RABGAP1L: variants seen among roughly 807,000 people sequenced by gnomAD.
RABGAP1L encodes the protein rab GTPase-activating protein 1-like.
RABGAP1L carries 63 observed loss-of-function variants against 137.7 expected under a neutral mutation model. That is an observed-to-expected ratio of 0.46 (90% CI 0.37 to 0.56). The LOEUF is 0.56. Among genes scored for constraint, RABGAP1L ranks in the 20% least tolerant of loss-of-function variants. RABGAP1L has a pLI of 0.00. For synonymous variants in RABGAP1L, 431 were observed against 433.7 expected (o/e 0.99, Z 0.08); for missense variants, 1,095 against 1,244.0 (o/e 0.88, Z 1.80).
Position 174,676,556 on chromosome 1 carries a change from T to C in RABGAP1L, c.1825-6966T>C, listed in dbSNP as rs1421517315. On this transcript the variant is annotated intron_variant, in intron 14 of 25. Transcript: ENST00000681986. ...AACGTTTGGAGTTTCAACTTCTAAG[T>C]GAAAAGATTCCTGATTTTAAAATAT... Among the ~76,000 whole-genome samples the C allele has an allele frequency of 2.0e-5, 3 of 152,346 alleles. No homozygotes were observed. The East Asian group carries it at 5.8e-4, about 29-fold the overall frequency.
intron 24 of RABGAP1L, among the ~76,000 whole-genome samples, chr1:174,984,124 G>A (rs767956989): frequency 6.7e-6 from 1 of 149,326 alleles, no homozygotes; most frequent in Non-Finnish European, 1.5e-5. Flanking sequence ...AGGTATACGT[G>A]TGCCATGGTG....
intron 13 of RABGAP1L, among the ~76,000 whole-genome samples, chr1:174,623,130 G>A (rs1473439377): frequency 2.0e-5 from 3 of 152,090 alleles, no homozygotes; most frequent in African/African-American, 2.4e-5. Flanking sequence ...CTACATTAAA[G>A]GTTATTTTTA....
At chr1:174,170,448 C>T (rs184223461) in intron 1 of RABGAP1L, among the ~76,000 whole-genome samples, 2 of 152,010 alleles carry the variant, frequency 1.3e-5, no homozygotes, top group South Asian at 2.1e-4. Flanking sequence ...AAGTCCGAGG[C>T]GGGCAGATCA....
At chr1:174,843,284 A>T (rs1356076808) in intron 19 of RABGAP1L, among the ~76,000 whole-genome samples, 1 of 141,916 alleles carries the variant, frequency 7.0e-6, no homozygotes, top group Non-Finnish European at 1.5e-5. Flanking sequence ...TGTGCAGGTT[A>T]GTTACATATG....
At chr1:174,256,902 T>C (rs1183223374) in intron 7 of RABGAP1L, among the ~76,000 whole-genome samples, 1 of 152,236 alleles carries the variant, frequency 6.6e-6, no homozygotes, top group Non-Finnish European at 1.5e-5. Context: ...CTATGATGAT[T>C]GCAAAATGAT....
At chr1:174,387,673 G>A (rs1448676100) in intron 12 of RABGAP1L, among the ~76,000 whole-genome samples, 1 of 151,856 alleles carries the variant, frequency 6.6e-6, no homozygotes, top group African/African-American at 2.4e-5. Flanking sequence ...ACAGAGATGA[G>A]GCTCCAAATG....
At chr1:174,846,020 G>T (rs905707896) in intron 19 of RABGAP1L, among the ~76,000 whole-genome samples, 15 of 148,428 alleles carry the variant, frequency 1.0e-4, no homozygotes, top group African/African-American at 3.7e-4. Context: ...GTGTAGAGGT[G>T]TTTGTAGTAT....
chr1:174,333,665 GC>G (rs1681229562), intron 11 of RABGAP1L, among the ~76,000 whole-genome samples: 1 of 152,108 alleles, frequency 6.6e-6, no homozygotes, highest in Non-Finnish European at 1.5e-5. Flanking sequence ...TCATATTTTA[GC>G]CCCTGAGGCT....
At chr1:174,332,686 G>A (rs1454124455) in intron 11 of RABGAP1L, among the ~76,000 whole-genome samples, 1 of 152,024 alleles carries the variant, frequency 6.6e-6, no homozygotes, top group Non-Finnish European at 1.5e-5. Flanking sequence ...ATGAGCCACC[G>A]CGCCCGGCTG....
rs889336686 is a variant in RABGAP1L, at chr1:174,751,042, A to G, written c.2170-1271A>G. ...AAATTGTGGTCAAAACCAGTCCAGGATAATTGCTTAGTATGGTAATGAACT... is the reference window on the plus strand; with the variant it reads ...AAATTGTGGTCAAAACCAGTCCAGGGTAATTGCTTAGTATGGTAATGAACT... On this transcript the variant is annotated intron_variant, in intron 17 of 25. Transcript: ENST00000681986. Among the ~76,000 whole-genome samples, 5 of 152,266 alleles carry G rather than the reference A, an allele frequency of 3.3e-5. No individual in the cohort carries two copies. In the East Asian group the frequency reaches 9.6e-4, roughly 29 times the overall value.
intron 19 of RABGAP1L, among the ~76,000 whole-genome samples, chr1:174,814,673 G>T (rs1690204218): frequency 6.6e-6 from 1 of 151,374 alleles, no homozygotes; most frequent in Non-Finnish European, 1.5e-5. Context: ...GCACTCTGAT[G>T]TTTTTTGTTC....
At chr1:174,230,405 A>G (rs1288718056) in intron 3 of RABGAP1L, among the ~76,000 whole-genome samples, 2 of 152,218 alleles carry the variant, frequency 1.3e-5, no homozygotes, top group Non-Finnish European at 2.9e-5. Flanking sequence ...AGTAAAAAAA[A>G]GAATAAAAAA....
chr1:174,546,329 A>G (rs1349014946), intron 13 of RABGAP1L, among the ~76,000 whole-genome samples: 1 of 152,228 alleles, frequency 6.6e-6, no homozygotes, highest in Admixed American at 6.5e-5. Context: ...TTTAAAGTAC[A>G]GGTTGATAGT....
chr1:174,436,273 C>T (rs1250818593), intron 13 of RABGAP1L, among the ~76,000 whole-genome samples: 2 of 152,226 alleles, frequency 1.3e-5, no homozygotes, highest in Admixed American at 1.3e-4. Flanking sequence ...GTCCCACCAA[C>T]AGTGTAAAAG....
At chr1:174,323,279 G>T (rs1308135818) in intron 11 of RABGAP1L, among the ~76,000 whole-genome samples, 1 of 151,884 alleles carries the variant, frequency 6.6e-6, no homozygotes, top group Non-Finnish European at 1.5e-5. Flanking sequence ...ATATAAGGAA[G>T]AAGATTCAAA....
chr1:174,762,611 C>T (rs1685314117), intron 18 of RABGAP1L, among the ~76,000 whole-genome samples: 1 of 152,172 alleles, frequency 6.6e-6, no homozygotes, highest in Non-Finnish European at 1.5e-5. Context: ...TGTAGTTAAT[C>T]TCTATGTGGG....
At chr1:174,488,537 A>G (rs1040297796) in intron 13 of RABGAP1L, among the ~76,000 whole-genome samples, 3 of 152,024 alleles carry the variant, frequency 2.0e-5, no homozygotes, top group African/African-American at 7.2e-5. Context: ...TTGGTGTTCT[A>G]TTAGCTTCTT....
At chr1:174,182,210 A>G (rs1017516122) in intron 1 of RABGAP1L, among the ~76,000 whole-genome samples, 8 of 152,194 alleles carry the variant, frequency 5.3e-5, no homozygotes, top group African/African-American at 1.9e-4. Context: ...TTTCAGGGCT[A>G]TGGGAAGAAA....
intron 6 of RABGAP1L, among the ~76,000 whole-genome samples, chr1:174,252,166 A>G (rs1368691186): frequency 6.6e-6 from 1 of 152,222 alleles, no homozygotes. Context: ...AAGTGCTGGG[A>G]TTACAGGCGT....
Sources: allele counts gnomAD v4.1 joint callset (sites outside exome capture counted in the v4.1 genomes callset), GRCh38; gene constraint gnomAD v4.1.1; transcripts MANE v1.5; gene names NCBI Gene and HGNC (gene_info 2026-07-23, HGNC 2026-07-21).